Variants in OR4A5 observed in about 807,000 individuals in gnomAD.
The protein encoded by OR4A5 is olfactory receptor 4A5.
For synonymous variants in OR4A5, 245 were observed against 138.5 expected (o/e 1.77, Z -5.40); for missense variants, 684 against 381.6 (o/e 1.79, Z -6.60).
Position 54,707,406 on chromosome 11 carries a change from C to A in OR4A5, c.522C>A (p.Phe174Leu), listed in dbSNP as rs755610571. ...GTGGTCCCAATGTCATTGTTCATTT[C>A]AGTTGTGACATGCACCCATTACTGG... ...PFCGPNVIVH[F>L]SCDMHPLLEL... The change falls in exon 1 of 1, where the codon TTC (phenylalanine) becomes TTA (leucine). Residue 174 changes from phenylalanine to leucine, a missense_variant. By Grantham distance (22) the Phe-to-Leu change is conservative. Transcript: ENST00000319760. The A allele has an allele frequency of 3.8e-5, 62 of 1,613,384 alleles. No individual in the cohort carries two copies. The highest frequency in any genetic ancestry group is 5.1e-5 in the Non-Finnish European group (60 of 1,179,848).
In OR4A5 at chr11:54,707,796, T is replaced by G; in HGVS notation, c.912T>G (p.Thr304=). The G allele has an allele frequency of 2.6e-6, 4 of 1,540,250 alleles. No homozygotes were observed. Among genetic ancestry groups the G allele is most frequent in the Non-Finnish European group, 3.6e-6 (4 of 1,125,914 alleles). ...AAAAACTCTTGGGTAAAAAGTTAAC[T>G]ATATTTATTATAGGAGGAGTGTCCG... ...AIEKLLGKKL[T]IFIIGGVSVL... Residue 304 remains threonine (T), a synonymous_variant, in exon 1 of 1, where the codon ACT becomes ACG. Transcript: ENST00000319760.
rs775989440 is a variant in OR4A5 at position 54,707,276 on chromosome 11, T to A, written c.392T>A (p.Leu131Ter). The part of the protein sequence containing the change: ...YVAICKPLHY[L>*]TIMNRQVCFL... ...GCCATCTGTAAGCCACTGCACTATT[T>A]GACCATCATGAATCGACAGGTTTGC... The change falls in exon 1 of 1, where the codon TTG (leucine) becomes TAG (stop). Residue 131 changes from leucine to a stop codon, truncating the protein, a stop_gained. Transcript: ENST00000319760. LOFTEE classifies it low-confidence loss of function (END_TRUNC). The A allele has an allele frequency of 2.5e-6, 4 of 1,613,776 alleles. No homozygotes were observed. In the South Asian group the frequency reaches 4.4e-5, roughly 18 times the overall value.
Position 54,707,179 on chromosome 11 carries a change from C to A in OR4A5, c.295C>A (p.Leu99Ile), listed in dbSNP as rs767413030. The A allele has an allele frequency of 1.2e-6, 2 of 1,613,628 alleles. No individual in the cohort carries two copies. The highest frequency in any genetic ancestry group is 1.3e-5 in the African/African-American group (1 of 74,896). The stretch of plus-strand genomic sequence containing the variant: ...TTCCTTCCAAGGTTGCATGGGCCAG[C>A]TATTTATAGACCATTTCTTTGGTGG... ...TISFQGCMGQ[L>I]FIDHFFGGAE... Residue 99 changes from leucine (L) to isoleucine (I), a missense_variant, in exon 1 of 1, where the codon CTA becomes ATA. Coordinates refer to ENST00000319760, the MANE Select transcript of OR4A5 (RefSeq NM_001005272.3).
rs760971695 is a variant in OR4A5 at position 54,707,555 on chromosome 11, C to T, written c.671C>T (p.Thr224Ile). The T allele has an allele frequency of 2.5e-5, 40 of 1,613,548 alleles. No individual in the cohort carries two copies. Among genetic ancestry groups the T allele is most frequent in the African/African-American group, 5.3e-5 (4 of 74,894 alleles). Residue 224 changes from threonine (T) to isoleucine (I), a missense_variant, in exon 1 of 1, where the codon ACT becomes ATT. By Grantham distance (89) the Thr-to-Ile change is moderately conservative. Coordinates refer to ENST00000319760, the MANE Select transcript of OR4A5 (RefSeq NM_001005272.3). ...GGAGTCATCCTAAGCTCCCTTAAAA[C>T]TTACAGTCAGGAAAAGAGGGGTAAA... ...SYGVILSSLK[T>I]YSQEKRGKAL...
rs144589958 is a variant in OR4A5 at position 54,707,021 on chromosome 11, A to T, written c.137A>T (p.Asp46Val). Residue 46 changes from aspartate (D) to valine (V), a missense_variant, in exon 1 of 1, where the codon GAT becomes GTT. By Grantham distance (152) the Asp-to-Val change is radical (BLOSUM62 -3). Coordinates refer to ENST00000319760, the MANE Select transcript of OR4A5 (RefSeq NM_001005272.3). ...GTGGGGAACCTGCTCATTGTGGTGG[A>T]TATTATTGCCAGCCCTTCCTTGGGT... ...TVVGNLLIVV[D>V]IIASPSLGSP... is the part of the protein sequence containing the mutation. 4.5e-4 allele frequency: 727 copies of T among 1,613,524 alleles called. No homozygotes were observed. Among genetic ancestry groups the T allele is most frequent in the Non-Finnish European group, 6.1e-4 (717 of 1,179,848 alleles).
At position 54,707,573 on chromosome 11, in the gene OR4A5, G is replaced by A. The variant is rs749700074; in HGVS notation, c.689G>A (p.Arg230Lys). Reference sequence around the variant, plus strand: ...CTTAAAACTTACAGTCAGGAAAAGAGGGGTAAAGCCTTGTCTACCTGCAGC... The same window carrying A: ...CTTAAAACTTACAGTCAGGAAAAGAAGGGTAAAGCCTTGTCTACCTGCAGC... ...SSLKTYSQEK[R>K]GKALSTCSSG... Residue 230 changes from arginine to lysine, a missense_variant, in exon 1 of 1, where the codon AGG (arginine) becomes AAG (lysine). By Grantham distance (26) the Arg-to-Lys change is conservative. Coordinates refer to ENST00000319760, the MANE Select transcript of OR4A5 (RefSeq NM_001005272.3). 9.9e-6 allele frequency: 16 copies of A among 1,613,380 alleles called. No individual in the cohort carries two copies. Among genetic ancestry groups the A allele is most frequent in the South Asian group, 2.2e-5 (2 of 91,056 alleles).
In OR4A5 at chr11:54,707,362, G is replaced by A. The variant is rs150995059; in HGVS notation, c.478G>A (p.Val160Met). Residue 160 changes from valine to methionine, a missense_variant, in exon 1 of 1, where the codon GTG becomes ATG. Val to Met is a conservative substitution (Grantham distance 21). Transcript: ENST00000319760. ...TGTACATTCTGCGTTTCAAATTGTT[G>A]TGTACAGTCTCCCTTTCTGTGGTCC... ...GFVHSAFQIV[V>M]YSLPFCGPNV... 0.012 allele frequency: 18,932 copies of A among 1,613,602 alleles called. 129 individuals carry two copies. Among genetic ancestry groups the A allele is most frequent in the Non-Finnish European group, 0.015 (17,294 of 1,179,838 alleles).
In OR4A5 at chr11:54,707,252, C is replaced by T. The variant is rs538655442; in HGVS notation, c.368C>T (p.Ala123Val). 16 of 1,613,552 alleles carry T rather than the reference C, an allele frequency of 9.9e-6. No homozygotes were observed. The highest frequency in any genetic ancestry group is 1.4e-5 in the Non-Finnish European group (16 of 1,179,868). ...LVVMACDRYV[A>V]ICKPLHYLTI... ...GTGATGGCCTGTGATCGCTATGTGG[C>T]CATCTGTAAGCCACTGCACTATTTG... is the stretch of plus-strand genomic sequence containing the variant. The change falls in exon 1 of 1, where the codon GCC (alanine) becomes GTC (valine). Residue 123 changes from alanine to valine, a missense_variant. Ala to Val is a moderately conservative substitution (Grantham distance 64, BLOSUM62 0). Transcript: ENST00000319760.
rs772352354 is a variant in OR4A5, at chr11:54,707,778, C to A, written c.894C>A (p.Leu298=). 1.3e-6 allele frequency: 2 copies of A among 1,580,498 alleles called. No individual in the cohort carries two copies. The highest frequency in any genetic ancestry group is 1.1e-5 in the South Asian group (1 of 88,036). Residue 298 remains leucine, a synonymous_variant, in exon 1 of 1, where the codon CTC becomes CTA. Coordinates refer to ENST00000319760, the MANE Select transcript of OR4A5 (RefSeq NM_001005272.3). The part of the protein sequence containing the change: ...NSEMRNAIEK[L]LGKKLTIFII... ...AGATGAGAAATGCTATAGAAAAACTCTTGGGTAAAAAGTTAACTATATTTA... is the reference window on the plus strand; with the variant it reads ...AGATGAGAAATGCTATAGAAAAACTATTGGGTAAAAAGTTAACTATATTTA...
In OR4A5 at chr11:54,707,368, A is replaced by T. The variant is rs1854054917; in HGVS notation, c.484A>T (p.Ser162Cys). ...VHSAFQIVVYSLPFCGPNVIV... is the reference protein window; with the variant it reads ...VHSAFQIVVYCLPFCGPNVIV... The stretch of plus-strand genomic sequence containing the variant: ...TTCTGCGTTTCAAATTGTTGTGTAC[A>T]GTCTCCCTTTCTGTGGTCCCAATGT... Residue 162 changes from serine to cysteine, a missense_variant, in exon 1 of 1, where the codon AGT (serine) becomes TGT (cysteine). Coordinates refer to ENST00000319760, the MANE Select transcript of OR4A5 (RefSeq NM_001005272.3). 6.2e-7 allele frequency: 1 copy of T among 1,613,640 alleles called. No homozygotes were observed. The highest frequency in any genetic ancestry group is 8.5e-7 in the Non-Finnish European group (1 of 1,179,892).
Position 54,707,493 on chromosome 11 carries a change from C to G in OR4A5, c.609C>G (p.Ile203Met). Residue 203 changes from isoleucine (I) to methionine (M), a missense_variant, in exon 1 of 1, where the codon ATC (isoleucine) becomes ATG (methionine). Coordinates refer to ENST00000319760, the MANE Select transcript of OR4A5 (RefSeq NM_001005272.3). Reference sequence around the variant, plus strand: ...CTGTTGTTGTCAATAGTGGAGCAATCTGTATGGTCATTTTCAACCTTCTGT... The same window carrying G: ...CTGTTGTTGTCAATAGTGGAGCAATGTGTATGGTCATTTTCAACCTTCTGT... ...GLTVVVNSGA[I>M]CMVIFNLLLI... 3 of 1,613,588 alleles carry G rather than the reference C, an allele frequency of 1.9e-6. No homozygotes were observed. The highest frequency in any genetic ancestry group is 1.7e-6 in the Non-Finnish European group (2 of 1,179,834).
Position 54,706,883 on chromosome 11 carries a change from A to C in OR4A5, c.-2A>C. 1 of 1,588,854 alleles carries C rather than the reference A, an allele frequency of 6.3e-7. No individual in the cohort carries two copies. The highest frequency in any genetic ancestry group is 1.1e-5 in the South Asian group (1 of 87,540). On this transcript the variant is annotated 5_prime_UTR_variant, in exon 1 of 1. Transcript: ENST00000319760. ...TCTGATACAAGCCTTAAAGAAGAGTAAATGAGACAGAATAACAATATTACA... is the reference window on the plus strand; with the variant it reads ...TCTGATACAAGCCTTAAAGAAGAGTCAATGAGACAGAATAACAATATTACA...
chr11:54,707,170 A>C lies in OR4A5; in HGVS notation c.286A>C (p.Met96Leu), dbSNP rs778346742. The C allele has an allele frequency of 1.6e-5, 26 of 1,613,584 alleles. No individual in the cohort carries two copies. Among genetic ancestry groups the C allele is most frequent in the Non-Finnish European group, 2.2e-5 (26 of 1,179,862 alleles). ...AAAGACTATTTCCTTCCAAGGTTGC[A>C]TGGGCCAGCTATTTATAGACCATTT... Reference protein sequence around the residue: ...DKKTISFQGCMGQLFIDHFFG... With the variant: ...DKKTISFQGCLGQLFIDHFFG... The change falls in exon 1 of 1, where the codon ATG becomes CTG. Residue 96 changes from methionine (M) to leucine (L), a missense_variant. By Grantham distance (15) the Met-to-Leu change is conservative. Coordinates refer to ENST00000319760, the MANE Select transcript of OR4A5 (RefSeq NM_001005272.3).
rs1343978799 is a variant in OR4A5 at position 54,707,374 on chromosome 11, C to A, written c.490C>A (p.Pro164Thr). 1 of 1,613,554 alleles carries A rather than the reference C, an allele frequency of 6.2e-7. No homozygotes were observed. Among genetic ancestry groups the A allele is most frequent in the African/African-American group, 1.3e-5 (1 of 75,004 alleles). The change falls in exon 1 of 1, where the codon CCT becomes ACT. Residue 164 changes from proline to threonine, a missense_variant. Pro to Thr is a conservative substitution (Grantham distance 38, BLOSUM62 -1). Coordinates refer to ENST00000319760, the MANE Select transcript of OR4A5 (RefSeq NM_001005272.3). ...GTTTCAAATTGTTGTGTACAGTCTC[C>A]CTTTCTGTGGTCCCAATGTCATTGT... ...SAFQIVVYSL[P>T]FCGPNVIVHF... is the part of the protein sequence containing the mutation.
chr11:54,707,495 G>C lies in OR4A5; in HGVS notation c.611G>C (p.Cys204Ser), dbSNP rs372907760. ...GTTGTTGTCAATAGTGGAGCAATCTGTATGGTCATTTTCAACCTTCTGTTA... is the reference window on the plus strand; with the variant it reads ...GTTGTTGTCAATAGTGGAGCAATCTCTATGGTCATTTTCAACCTTCTGTTA... ...LTVVVNSGAI[C>S]MVIFNLLLIS... The change falls in exon 1 of 1, where the codon TGT becomes TCT. Residue 204 changes from cysteine to serine, a missense_variant. Transcript: ENST00000319760. The C allele has an allele frequency of 1.2e-6, 2 of 1,613,490 alleles. No homozygotes were observed. Among genetic ancestry groups the C allele is most frequent in the African/African-American group, 1.3e-5 (1 of 74,872 alleles).
At position 54,706,899 on chromosome 11, in the gene OR4A5, C is replaced by A; in HGVS notation, c.15C>A (p.Asn5Lys). The A allele has an allele frequency of 6.2e-7, 1 of 1,605,862 alleles. No individual in the cohort carries two copies. The highest frequency in any genetic ancestry group is 2.2e-5 in the East Asian group (1 of 44,612). ...AAGAAGAGTAAATGAGACAGAATAA[C>A]AATATTACAGAATTTGTCCTCCTGG... MRQN[N>K]NITEFVLLGF... Residue 5 changes from asparagine to lysine, a missense_variant, in exon 1 of 1, where the codon AAC becomes AAA. Coordinates refer to ENST00000319760, the MANE Select transcript of OR4A5 (RefSeq NM_001005272.3).
chr11:54,707,151 T>G lies in OR4A5; in HGVS notation c.267T>G (p.Thr89=), dbSNP rs1196723565. Residue 89 remains threonine (T), a synonymous_variant, in exon 1 of 1, where the codon ACT becomes ACG. Transcript: ENST00000319760. The part of the protein sequence containing the change: ...LIVGLFCDKK[T]ISFQGCMGQL... ...TAGGCTTATTCTGTGATAAAAAGACTATTTCCTTCCAAGGTTGCATGGGCC... is the reference window on the plus strand; with the variant it reads ...TAGGCTTATTCTGTGATAAAAAGACGATTTCCTTCCAAGGTTGCATGGGCC... The G allele has an allele frequency of 1.9e-6, 3 of 1,613,604 alleles. No individual in the cohort carries two copies. Among genetic ancestry groups the G allele is most frequent in the African/African-American group, 2.7e-5 (2 of 74,900 alleles).
Position 54,707,825 on chromosome 11 carries a change from T to G in OR4A5, c.941T>G (p.Leu314Arg), listed in dbSNP as rs775326473. The part of the protein sequence containing the change: ...TIFIIGGVSV[L>R]M Reference sequence around the variant, plus strand: ...TTTATTATAGGAGGAGTGTCCGTCCTCATGTAGGTAAGGAGGTATGTAGTC... The same window carrying G: ...TTTATTATAGGAGGAGTGTCCGTCCGCATGTAGGTAAGGAGGTATGTAGTC... Residue 314 changes from leucine to arginine, a missense_variant, in exon 1 of 1, where the codon CTC (leucine) becomes CGC (arginine). Transcript: ENST00000319760. 1 of 1,428,796 alleles carries G rather than the reference T, an allele frequency of 7.0e-7. No homozygotes were observed. Among genetic ancestry groups the G allele is most frequent in the Non-Finnish European group, 9.6e-7 (1 of 1,040,452 alleles). 88.5% of individuals were successfully genotyped at this position (1,428,796 alleles called of 1,614,324 possible).
At position 54,707,768 on chromosome 11, in the gene OR4A5, T is replaced by C; in HGVS notation, c.884T>C (p.Ile295Thr). Residue 295 changes from isoleucine (I) to threonine (T), a missense_variant, in exon 1 of 1, where the codon ATA (isoleucine) becomes ACA (threonine). Ile to Thr is a moderately conservative substitution (Grantham distance 89, BLOSUM62 -1). Coordinates refer to ENST00000319760, the MANE Select transcript of OR4A5 (RefSeq NM_001005272.3). Reference protein sequence around the residue: ...TLRNSEMRNAIEKLLGKKLTI... With the variant: ...TLRNSEMRNATEKLLGKKLTI... The stretch of plus-strand genomic sequence containing the variant: ...AGAAATTCAGAGATGAGAAATGCTA[T>C]AGAAAAACTCTTGGGTAAAAAGTTA... 1 of 1,586,486 alleles carries C rather than the reference T, an allele frequency of 6.3e-7. No homozygotes were observed. Among genetic ancestry groups the C allele is most frequent in the Non-Finnish European group, 8.6e-7 (1 of 1,161,692 alleles).
Sources: allele counts gnomAD v4.1 joint callset, GRCh38; gene constraint gnomAD v4.1.1; transcripts MANE v1.5; gene names NCBI Gene and HGNC (gene_info 2026-07-23, HGNC 2026-07-21).